LCP1: variants seen among roughly 807,000 people sequenced by gnomAD.
LCP1 encodes plastin-2.
LCP1 carries 23 observed loss-of-function variants against 72.0 expected under a neutral mutation model. The observed-to-expected ratio is 0.32, with a 90% CI of 0.23 to 0.45. LCP1 has a LOEUF of 0.45. Ranked by LOEUF, LCP1 falls within the 20% of genes least tolerant of loss-of-function variation. LCP1 has a pLI of 1.00. For missense variants in LCP1, 571 were observed against 748.3 expected (o/e 0.76, Z 2.76); for synonymous variants, 245 against 275.4 (o/e 0.89, Z 1.09).
intron 1 of LCP1, among the ~76,000 whole-genome samples, chr13:46,178,829 CTTATT>C (rs1348808676): frequency 1.3e-5 from 2 of 152,100 alleles, no homozygotes; most frequent in East Asian, 1.9e-4. Flanking sequence ...CCTTTATAAT[CTTATT>C]TTATAAGTGT....
At chr13:46,165,305 C>G (rs971054051) in intron 1 of LCP1, among the ~76,000 whole-genome samples, 1 of 151,592 alleles carries the variant, frequency 6.6e-6, no homozygotes, top group Non-Finnish European at 1.5e-5. Context: ...ACCCAGGAAG[C>G]GGAGGTTGCA....
At chr13:46,138,991 T>G (rs889059516) in intron 13 of LCP1, among the ~76,000 whole-genome samples, 3 of 152,194 alleles carry the variant, frequency 2.0e-5, no homozygotes, top group African/African-American at 7.2e-5. Flanking sequence ...AAAGATTATT[T>G]AATATTGAAA....
chr13:46,181,571 C>G (rs1409245897), intron 1 of LCP1, among the ~76,000 whole-genome samples: 2 of 152,068 alleles, frequency 1.3e-5, no homozygotes, highest in African/African-American at 4.8e-5. Context: ...AAACCCTTGG[C>G]GCCAAAAATC....
At chr13:46,151,280 T>C (rs2138248624) in intron 7 of LCP1, among the ~76,000 whole-genome samples, 1 of 152,368 alleles carries the variant, frequency 6.6e-6, no homozygotes, top group Middle Eastern at 3.4e-3. Flanking sequence ...GTGAGCTTAT[T>C]TATTATCTCC....
rs1486440414 is a variant in LCP1 at position 46,153,700 on chromosome 13, T to C, written c.574-755A>G. On this transcript the variant is annotated intron_variant, in intron 6 of 15. Transcript: ENST00000323076. ...TGGGCGACAAGAGTGAAACTCCATC[T>C]CAAAAAAAAAAAAAAAGAAAACGAA... Among the ~76,000 whole-genome samples, 8 of 127,500 alleles carry C rather than the reference T, an allele frequency of 6.3e-5. No individual in the cohort carries two copies. In the East Asian group the frequency reaches 1.1e-3, roughly 18 times the overall value. 83.6% of individuals were successfully genotyped at this position (127,500 alleles called of 152,430 possible).
intron 13 of LCP1, among the ~76,000 whole-genome samples, chr13:46,138,346 G>A (rs1038323349): frequency 1.2e-4 from 19 of 152,068 alleles, no homozygotes; most frequent in African/African-American, 4.6e-4. Context: ...TATATAGCAT[G>A]CAGGGAAAAA....
chr13:46,152,719 TC>T, intron 7 of LCP1, 60 bp downstream of exon 7: 1 of 1,535,038 alleles, frequency 6.5e-7, no homozygotes, highest in East Asian at 2.3e-5. Context: ...CCTCCTACAG[TC>T]CCCAACGCGT....
chr13:46,176,123 T>C (rs1052003671), intron 1 of LCP1, among the ~76,000 whole-genome samples: 1 of 152,186 alleles, frequency 6.6e-6, no homozygotes, highest in African/African-American at 2.4e-5. Context: ...ACAGGAGGAA[T>C]AAGCTCTCAT....
intron 1 of LCP1, among the ~76,000 whole-genome samples, chr13:46,161,479 A>AT (rs1383174728): frequency 7.9e-5 from 12 of 152,174 alleles, no homozygotes; most frequent in Non-Finnish European, 1.8e-4. Context: ...ATACAATCTC[A>AT]CTAACACATC....
intron 1 of LCP1, among the ~76,000 whole-genome samples, chr13:46,172,968 C>A (rs1257351107): frequency 6.6e-6 from 1 of 152,104 alleles, no homozygotes; most frequent in Non-Finnish European, 1.5e-5. Context: ...TTGGTCGAAG[C>A]AATGCGTGGG....
Position 46,144,424 on chromosome 13 carries a change from G to C in LCP1, c.1253+18C>G, listed in dbSNP as rs761427296. On this transcript the variant is annotated intron_variant, in intron 11 of 15. Transcript: ENST00000323076. ...AGGTCTCTATCTTACATTAGAATGA[G>C]TTCCCAAATATTCCTACCTGTACAA... 7 of 1,588,804 alleles carry C rather than the reference G, an allele frequency of 4.4e-6. No homozygotes were observed. The highest frequency in any genetic ancestry group is 6.0e-6 in the Non-Finnish European group (7 of 1,157,384).
At chr13:46,153,622 A>G (rs2045782792) in intron 6 of LCP1, among the ~76,000 whole-genome samples, 1 of 151,170 alleles carries the variant, frequency 6.6e-6, no homozygotes. Context: ...AATCTCTTGA[A>G]CCCAGGAGGC....
chr13:46,131,439 A>G (rs1157702432), intron 14 of LCP1, among the ~76,000 whole-genome samples: 3 of 152,244 alleles, frequency 2.0e-5, no homozygotes, highest in Non-Finnish European at 4.4e-5. Context: ...TGTGGAAAGC[A>G]GTTTGGAGTT....
intron 5 of LCP1, among the ~76,000 whole-genome samples, chr13:46,155,857 G>A (rs1275083044): frequency 6.6e-6 from 1 of 152,196 alleles, no homozygotes; most frequent in Non-Finnish European, 1.5e-5. Context: ...TACAGTTTAA[G>A]GACTTCTTCC....
intron 1 of LCP1, among the ~76,000 whole-genome samples, chr13:46,178,697 T>C (rs1306925265): frequency 6.6e-6 from 1 of 152,182 alleles, no homozygotes; most frequent in Non-Finnish European, 1.5e-5. Flanking sequence ...TGAAATAGTA[T>C]CATTTCATTT....
intron 1 of LCP1, among the ~76,000 whole-genome samples, chr13:46,163,922 GC>G (rs1333508129): frequency 6.6e-6 from 1 of 152,214 alleles, no homozygotes; most frequent in Non-Finnish European, 1.5e-5. Flanking sequence ...CGGCTGTCCA[GC>G]CCTTCATGTT....
intron 1 of LCP1, among the ~76,000 whole-genome samples, chr13:46,164,560 C>A (rs1452932393): frequency 6.6e-6 from 1 of 152,144 alleles, no homozygotes; most frequent in Non-Finnish European, 1.5e-5. Flanking sequence ...ATCCAAAATG[C>A]TTCAGTGATT....
chr13:46,159,508 A>G (rs965296267), intron 2 of LCP1, 91 bp downstream of exon 2: 6 of 1,021,546 alleles, frequency 5.9e-6, no homozygotes, highest in Non-Finnish European at 7.6e-6. Context: ...CATCTCTGAA[A>G]TTTTGCTCAT....
intron 7 of LCP1, among the ~76,000 whole-genome samples, chr13:46,152,327 T>C (rs1477389062): frequency 6.6e-6 from 1 of 152,158 alleles, no homozygotes; most frequent in Non-Finnish European, 1.5e-5. Context: ...TCCCATATAA[T>C]TGCAACCTTG....
Sources: allele counts gnomAD v4.1 joint callset (sites outside exome capture counted in the v4.1 genomes callset), GRCh38; gene constraint gnomAD v4.1.1; transcripts MANE v1.5; gene names NCBI Gene and HGNC (gene_info 2026-07-23, HGNC 2026-07-21).